The following ADAMTS12 variants were observed in gnomAD, a reference collection of about 807,000 sequenced individuals.
ADAMTS12 encodes the protein ADAM metallopeptidase with thrombospondin type 1 motif 12.
Under a neutral mutation model 167.8 loss-of-function variants are expected in ADAMTS12, and 118 were observed. The ratio of observed to expected loss-of-function variants is 0.70; its 90% CI spans 0.61 to 0.82. The LOEUF is 0.82. Among genes scored for constraint, ADAMTS12 ranks in the 40% least tolerant of loss-of-function variants. The pLI is 0.00. For synonymous variants in ADAMTS12, 704 were observed against 716.9 expected (o/e 0.98, Z 0.29); for missense variants, 1,916 against 1,998.8 (o/e 0.96, Z 0.79).
chr5:33,750,534 T>C (rs1410038619), intron 3 of ADAMTS12, among the ~76,000 whole-genome samples: 2 of 152,210 alleles, frequency 1.3e-5, no homozygotes, highest in South Asian at 2.1e-4. Context: ...TTGAGGTCCA[T>C]TGTTTCCAAA....
At chr5:33,552,930 T>C (rs1435436350) in intron 20 of ADAMTS12, among the ~76,000 whole-genome samples, 1 of 152,156 alleles carries the variant, frequency 6.6e-6, no homozygotes, top group Non-Finnish European at 1.5e-5. Flanking sequence ...ATCTACAGAA[T>C]GGGAGAAAAC....
At chr5:33,599,214 G>A (rs1178474727) in intron 16 of ADAMTS12, among the ~76,000 whole-genome samples, 1 of 152,178 alleles carries the variant, frequency 6.6e-6, no homozygotes, top group Non-Finnish European at 1.5e-5. Context: ...TAATAAAGGG[G>A]TGGATGTTTT....
In ADAMTS12 at chr5:33,581,748, G is replaced by C. The variant is rs62351125; in HGVS notation, c.2866-4588C>G. Among the ~76,000 whole-genome samples, 688 of 152,244 alleles carry C rather than the reference G, an allele frequency of 4.5e-3. 3 individuals are homozygous for C. The highest frequency in any genetic ancestry group is 7.5e-3 in the Non-Finnish European group (511 of 67,996). ...CAAAATCCCAATGCCCCCAATCTCAGAATTTGACCTTATTTGGAGAAAGGA... is the reference window on the plus strand; with the variant it reads ...CAAAATCCCAATGCCCCCAATCTCACAATTTGACCTTATTTGGAGAAAGGA... On this transcript the variant is annotated intron_variant, in intron 18 of 23. Transcript: ENST00000504830.
Position 33,561,147 on chromosome 5 carries a change from C to G in ADAMTS12, c.4005G>C (p.Trp1335Cys), listed in dbSNP as rs1450468474. ...TCTGGGTGCTGCACTCCACCCTTCT[C>G]CAGTAGGCCCCCAGGCCACATGTGG... ...CSTTCGLGAYWRRVECSTQMD... is the reference protein window; with the variant it reads ...CSTTCGLGAYCRRVECSTQMD... The change falls in exon 20 of 24, where the codon TGG becomes TGC. Residue 1335 changes from tryptophan to cysteine, a missense_variant. By Grantham distance (215) the Trp-to-Cys change is radical. Transcript: ENST00000504830. 3.1e-6 allele frequency: 5 copies of G among 1,613,992 alleles called. No homozygotes were observed. Among genetic ancestry groups the G allele is most frequent in the Admixed American group, 1.7e-5 (1 of 60,012 alleles).
chr5:33,603,470 C>G lies in ADAMTS12; in HGVS notation c.2528-7410G>C, dbSNP rs996581470. ...TCCGTAATGCATGGTAATTCTTTTCCAAGTTTCCTGAGGAGTAGTCAGTCC... is the reference window on the plus strand; with the variant it reads ...TCCGTAATGCATGGTAATTCTTTTCGAAGTTTCCTGAGGAGTAGTCAGTCC... On this transcript the variant is annotated intron_variant, in intron 16 of 23. Transcript: ENST00000504830. 10 of 152,092 alleles carry G rather than the reference C, an allele frequency of 6.6e-5. No homozygotes were observed. In the East Asian group the frequency reaches 9.6e-4, roughly 15 times the overall value. 9.4% of individuals were successfully genotyped at this position (152,092 alleles called of 1,614,324 possible).
intron 2 of ADAMTS12, among the ~76,000 whole-genome samples, chr5:33,793,782 C>T (rs577284240): frequency 1.3e-5 from 2 of 152,230 alleles, no homozygotes; most frequent in South Asian, 4.2e-4. Flanking sequence ...ACCAACAATC[C>T]CAAGTCTGTT....
At chr5:33,822,254 G>A (rs1263605210) in intron 2 of ADAMTS12, among the ~76,000 whole-genome samples, 2 of 151,938 alleles carry the variant, frequency 1.3e-5, no homozygotes, top group African/African-American at 2.4e-5. Context: ...GCTCCATTTG[G>A]TCTCTAACAC....
chr5:33,588,501 A>AT, intron 18 of ADAMTS12, 98 bp downstream of exon 18: 2 of 1,494,712 alleles, frequency 1.3e-6, no homozygotes, highest in Non-Finnish European at 1.9e-6. Flanking sequence ...CTATTTTGCA[A>AT]TTTTACCTAG....
At chr5:33,689,902 G>T (rs1363649756) in intron 3 of ADAMTS12, among the ~76,000 whole-genome samples, 1 of 152,228 alleles carries the variant, frequency 6.6e-6, no homozygotes, top group Non-Finnish European at 1.5e-5. Context: ...AAGTTGCTGG[G>T]GTCATGGGGT....
At chr5:33,849,324 T>C in intron 2 of ADAMTS12, among the ~76,000 whole-genome samples, 1 of 142,988 alleles carries the variant, frequency 7.0e-6, no homozygotes, top group African/African-American at 2.7e-5. Flanking sequence ...CATAGCTATA[T>C]ATATATGTAT....
At chr5:33,544,425 G>A (rs931503413) in intron 22 of ADAMTS12, among the ~76,000 whole-genome samples, 1 of 152,140 alleles carries the variant, frequency 6.6e-6, no homozygotes, top group Non-Finnish European at 1.5e-5. Flanking sequence ...TTGTGAAAAT[G>A]GCCATATTGC....
chr5:33,863,041 C>T (rs1047036717), intron 2 of ADAMTS12, among the ~76,000 whole-genome samples: 1 of 152,170 alleles, frequency 6.6e-6, no homozygotes, highest in African/African-American at 2.4e-5. Context: ...TGAAACGTAT[C>T]TCAAAATAAT....
chr5:33,857,163 A>C (rs1749430372), intron 2 of ADAMTS12, among the ~76,000 whole-genome samples: 1 of 152,254 alleles, frequency 6.6e-6, no homozygotes, highest in South Asian at 2.1e-4. Context: ...AGGCAGCTGC[A>C]GAAAGACAAA....
intron 2 of ADAMTS12, among the ~76,000 whole-genome samples, chr5:33,796,246 G>A (rs1326615296): frequency 6.6e-6 from 1 of 152,202 alleles, no homozygotes; most frequent in Non-Finnish European, 1.5e-5. Context: ...TTCATCACCA[G>A]TAGGTGCTGG....
At chr5:33,822,863 G>A (rs1747913709) in intron 2 of ADAMTS12, among the ~76,000 whole-genome samples, 1 of 152,236 alleles carries the variant, frequency 6.6e-6, no homozygotes, top group Middle Eastern at 3.4e-3. Flanking sequence ...CAAGGTGGGA[G>A]GATTGCTTGA....
chr5:33,881,440 A>G lies in ADAMTS12; in HGVS notation c.168T>C (p.Gly56=), dbSNP rs757594638. 6.2e-7 allele frequency: 1 copy of G among 1,613,790 alleles called. No homozygotes were observed. The highest frequency in any genetic ancestry group is 8.5e-7 in the Non-Finnish European group (1 of 1,179,932). ...IKGLPEYHVV[G]PVRVDASGHF... is the part of the protein sequence containing the mutation. The stretch of plus-strand genomic sequence containing the variant: ...GCCCACTGGCATCTACTCGGACTGG[A>G]CCCACCACGTGGTATTCTGGCAGGC... Residue 56 remains glycine (G), a synonymous_variant, in exon 2 of 24, where the codon GGT becomes GGC. Coordinates refer to ENST00000504830, the MANE Select transcript of ADAMTS12 (RefSeq NM_030955.4).
At chr5:33,710,397 T>C (rs549362833) in intron 3 of ADAMTS12, among the ~76,000 whole-genome samples, 6 of 152,264 alleles carry the variant, frequency 3.9e-5, no homozygotes, top group African/African-American at 1.4e-4. Flanking sequence ...GAGGCCAAGG[T>C]TGTAGGCTGG....
At chr5:33,528,466 C>T (rs1743926793) in intron 23 of ADAMTS12, among the ~76,000 whole-genome samples, 1 of 152,180 alleles carries the variant, frequency 6.6e-6, no homozygotes, top group African/African-American at 2.4e-5. Flanking sequence ...GTTTTAAACC[C>T]GAGTGTCGGG....
intron 2 of ADAMTS12, among the ~76,000 whole-genome samples, chr5:33,844,608 T>C (rs991425167): frequency 2.6e-5 from 4 of 152,212 alleles, no homozygotes; most frequent in African/African-American, 9.6e-5. Context: ...TCAATGACAA[T>C]GGTGCCCGAA....
Sources: allele counts gnomAD v4.1 joint callset (sites outside exome capture counted in the v4.1 genomes callset), GRCh38; gene constraint gnomAD v4.1.1; transcripts MANE v1.5; gene names NCBI Gene and HGNC (gene_info 2026-07-23, HGNC 2026-07-21).